The following TOX variants were observed in gnomAD, a reference collection of about 807,000 sequenced individuals.
TOX encodes thymocyte selection-associated high mobility group box protein TOX.
A neutral mutation model predicts 53.7 loss-of-function variants in TOX; 11 were observed. That is an observed-to-expected ratio of 0.20 (90% CI 0.13 to 0.34). The LOEUF (loss-of-function observed/expected upper bound fraction) is 0.34. Ranked by LOEUF, TOX falls within the 10% of genes least tolerant of loss-of-function variation. The pLI, the probability that TOX is intolerant of heterozygous loss-of-function variation, is 1.00. For missense variants in TOX, 570 were observed against 664.6 expected (o/e 0.86, Z 1.56); for synonymous variants, 225 against 245.3 (o/e 0.92, Z 0.77).
rs907856426 is a variant in TOX at position 59,118,109 on chromosome 8, C to T, written c.102+777G>A. 6.6e-6 allele frequency among the ~76,000 whole-genome samples: 1 copy of T among 152,222 alleles called. No homozygotes were observed. The highest frequency in any genetic ancestry group is 2.4e-5 in the African/African-American group (1 of 41,472). ...CGCCTCTCCCCGGGCCCCCGCGGCC[C>T]TGGCACCCGAGGTCAGCGGGCCGTG... On this transcript the variant is annotated intron_variant, in intron 1 of 8. Transcript: ENST00000361421. This position sits in a 1 kb window ranked among gnomAD's most constrained non-coding sequence, Gnocchi z 4.1.
intron 1 of TOX, among the ~76,000 whole-genome samples, chr8:59,105,343 C>T (rs925284631): frequency 1.3e-5 from 2 of 152,130 alleles, no homozygotes; most frequent in Non-Finnish European, 2.9e-5. Flanking sequence ...AAGTGAAATG[C>T]ATTCAGCTGA....
chr8:58,931,144 C>T (rs989552903), intron 3 of TOX, among the ~76,000 whole-genome samples: 5 of 152,058 alleles, frequency 3.3e-5, no homozygotes, highest in African/African-American at 1.2e-4. Context: ...GAGTCACACA[C>T]TGTAGGAGGG....
intron 3 of TOX, among the ~76,000 whole-genome samples, chr8:58,870,466 C>T (rs553535365): frequency 1.3e-5 from 2 of 152,222 alleles, no homozygotes; most frequent in African/African-American, 4.8e-5. Context: ...CAGTTCTTAA[C>T]TTAATCGATA....
chr8:58,822,150 C>T (rs938286277), intron 6 of TOX, among the ~76,000 whole-genome samples: 1 of 152,342 alleles, frequency 6.6e-6, no homozygotes, highest in Non-Finnish European at 1.5e-5. Flanking sequence ...GTCCCCTGTT[C>T]AGATTAAATT....
intron 5 of TOX, 148 bp from the exon 6 acceptor site, chr8:58,827,050 T>TA (rs1270931520): frequency 6.3e-6 from 3 of 478,708 alleles, no homozygotes; most frequent in Non-Finnish European, 9.6e-6. Context: ...TGTGTTTTCT[T>TA]ACTGAAACAG....
At position 58,883,393 on chromosome 8, in the gene TOX, C is replaced by T. The variant is rs565056241; in HGVS notation, c.412-31588G>A. 4.6e-5 allele frequency among the ~76,000 whole-genome samples: 7 copies of T among 152,330 alleles called. No individual in the cohort carries two copies. The South Asian group carries it at 8.3e-4, about 18-fold the overall frequency. On this transcript the variant is annotated intron_variant, in intron 3 of 8. Coordinates refer to ENST00000361421, the MANE Select transcript of TOX (RefSeq NM_014729.3). Reference sequence around the variant, plus strand: ...TTTTATTATTCCATTATGTGGCCTACTAAAACCTTAGAAAATTATACATTC... The same window carrying T: ...TTTTATTATTCCATTATGTGGCCTATTAAAACCTTAGAAAATTATACATTC...
At chr8:58,921,595 T>C (rs867885123) in intron 3 of TOX, among the ~76,000 whole-genome samples, 1 of 152,172 alleles carries the variant, frequency 6.6e-6, no homozygotes, top group South Asian at 2.1e-4. Flanking sequence ...ATAAGCATTC[T>C]TTCCCTAACT....
chr8:58,858,439 G>A (rs921031077), intron 3 of TOX, among the ~76,000 whole-genome samples: 1 of 152,224 alleles, frequency 6.6e-6, no homozygotes, highest in Non-Finnish European at 1.5e-5. Context: ...CTGCACCACC[G>A]CCTCGGCTGG....
chr8:58,879,847 T>TA (rs1207391823), intron 3 of TOX, among the ~76,000 whole-genome samples: 2 of 152,046 alleles, frequency 1.3e-5, no homozygotes, highest in African/African-American at 2.4e-5. Context: ...CCCCAAGAAT[T>TA]AAAAAAAATA....
At chr8:58,815,313 C>CT (rs780847225) in intron 7 of TOX, 25 bp downstream of exon 7, 2 of 1,567,558 alleles carry the variant, frequency 1.3e-6, no homozygotes, top group South Asian at 1.2e-5. Context: ...GGTGCACACT[C>CT]TAAGTCCAGA....
intron 3 of TOX, among the ~76,000 whole-genome samples, chr8:58,915,117 G>T (rs535701475): frequency 6.6e-6 from 1 of 151,232 alleles, no homozygotes; most frequent in East Asian, 2.0e-4. Flanking sequence ...CGGCAACGAG[G>T]CTGGGGGAGG....
rs376660315 is a variant in TOX, at chr8:59,119,016, C to A, written c.-29G>T. The A allele has an allele frequency of 1.3e-6, 2 of 1,501,342 alleles. No homozygotes were observed. Among genetic ancestry groups the A allele is most frequent in the African/African-American group, 2.8e-5 (2 of 70,874 alleles). 93.0% of individuals were successfully genotyped at this position (1,501,342 alleles called of 1,614,324 possible). A position where few individuals can be genotyped will look rare whatever the true frequency, so the allele number is the denominator to read the frequency against. ...ACTCTCACATCAAGCAACTCCTTTT[C>A]TTTTTCCTTTTTTAAAAAAAAGTGT... On this transcript the variant is annotated 5_prime_UTR_variant, in exon 1 of 9. Coordinates refer to ENST00000361421, the MANE Select transcript of TOX (RefSeq NM_014729.3).
chr8:59,088,345 A>G (rs553210415), intron 1 of TOX, among the ~76,000 whole-genome samples: 6 of 152,348 alleles, frequency 3.9e-5, no homozygotes, highest in Non-Finnish European at 8.8e-5. Flanking sequence ...AACAATGTGA[A>G]GGGAAATTCA....
chr8:58,810,597 C>G (rs1810061454), intron 7 of TOX, among the ~76,000 whole-genome samples: 1 of 152,094 alleles, frequency 6.6e-6, no homozygotes, highest in African/African-American at 2.4e-5. Context: ...AAGCGATCCT[C>G]CCACCGTGGC....
chr8:58,960,065 T>A (rs1812776235), intron 1 of TOX, 57 bp from the exon 2 acceptor site: 1 of 1,585,730 alleles, frequency 6.3e-7, no homozygotes, highest in Non-Finnish European at 8.7e-7. Context: ...ATGTTTGGTT[T>A]TTATTTGTTT....
intron 1 of TOX, among the ~76,000 whole-genome samples, chr8:59,025,956 G>C (rs987764107): frequency 3.3e-5 from 5 of 152,144 alleles, no homozygotes; most frequent in Non-Finnish European, 7.3e-5. Flanking sequence ...GAATAGAATT[G>C]AACTGGTTGT....
chr8:58,977,710 A>G (rs1813127429), intron 1 of TOX, among the ~76,000 whole-genome samples: 1 of 152,170 alleles, frequency 6.6e-6, no homozygotes. Flanking sequence ...GACTCAGAAA[A>G]TAGGGAGGTC....
chr8:58,874,095 C>T (rs972807503), intron 3 of TOX, among the ~76,000 whole-genome samples: 1 of 149,642 alleles, frequency 6.7e-6, no homozygotes, highest in Non-Finnish European at 1.5e-5. Flanking sequence ...TTCCTTTCAC[C>T]TAGTGAGTCT....
chr8:58,888,227 C>T (rs2129171563), intron 3 of TOX, among the ~76,000 whole-genome samples: 1 of 152,078 alleles, frequency 6.6e-6, no homozygotes, highest in East Asian at 1.9e-4. Flanking sequence ...TCTGAAAGGC[C>T]ACATTTCATT....
Sources: allele counts gnomAD v4.1 joint callset (sites outside exome capture counted in the v4.1 genomes callset), GRCh38; gene constraint gnomAD v4.1.1; non-coding constraint Gnocchi (gnomAD v3.1); transcripts MANE v1.5; gene names NCBI Gene and HGNC (gene_info 2026-07-23, HGNC 2026-07-21).